TUNAR: variants seen among roughly 807,000 people sequenced by gnomAD.
TUNAR encodes protein TUNAR.
intron 2 of TUNAR, among the ~76,000 whole-genome samples, chr14:95,897,534 A>G (rs1889286797): frequency 6.6e-6 from 1 of 152,184 alleles, no homozygotes; most frequent in Non-Finnish European, 1.5e-5. Flanking sequence ...CTTGCATCCC[A>G]TCCTGAATGC....
chr14:95,909,613 A>G (rs188368859), intron 2 of TUNAR, among the ~76,000 whole-genome samples: 213 of 152,306 alleles, frequency 1.4e-3, no homozygotes, highest in African/African-American at 4.9e-3. Flanking sequence ...AAATCCAGCT[A>G]GGTGGGCTGG....
chr14:95,884,718 C>T (rs539762634), intron 2 of TUNAR, among the ~76,000 whole-genome samples: 39 of 152,348 alleles, frequency 2.6e-4, no homozygotes, highest in Non-Finnish European at 4.7e-4. Context: ...TCCCAGGGCC[C>T]TGTCATCCCT....
chr14:95,891,637 A>G lies in TUNAR; in HGVS notation c.12+14460A>G, dbSNP rs114186552. Among the ~76,000 whole-genome samples, 1,248 of 152,344 alleles carry G rather than the reference A, an allele frequency of 8.2e-3. 14 individuals carry two copies. Among genetic ancestry groups the G allele is most frequent in the African/African-American group, 0.029 (1,188 of 41,580 alleles). On this transcript the variant is annotated intron_variant, in intron 2 of 2. Transcript: ENST00000678517. ...CTCCCTATTACTATACACTCGCTACACATGCAGTTGGGAAGCTGTTCCTGA... is the reference window on the plus strand; with the variant it reads ...CTCCCTATTACTATACACTCGCTACGCATGCAGTTGGGAAGCTGTTCCTGA...
intron 2 of TUNAR, among the ~76,000 whole-genome samples, chr14:95,887,064 C>T (rs1404014620): frequency 2.6e-5 from 4 of 152,112 alleles, no homozygotes; most frequent in Non-Finnish European, 5.9e-5. Flanking sequence ...AGGATCTGGG[C>T]ATGGAAATCG....
chr14:95,906,622 CA>C (rs1322827982), intron 2 of TUNAR, among the ~76,000 whole-genome samples: 1 of 152,176 alleles, frequency 6.6e-6, no homozygotes, highest in Non-Finnish European at 1.5e-5. Context: ...TACTGTTTTC[CA>C]AAATTACTTA....
chr14:95,886,147 A>T (rs1420119547), intron 2 of TUNAR, among the ~76,000 whole-genome samples: 1 of 152,184 alleles, frequency 6.6e-6, no homozygotes, highest in Non-Finnish European at 1.5e-5. Context: ...CTCCTGGCCT[A>T]AAAACAATGC....
At chr14:95,918,803 G>C (rs1029807673) in intron 2 of TUNAR, among the ~76,000 whole-genome samples, 1 of 152,084 alleles carries the variant, frequency 6.6e-6, no homozygotes, top group Non-Finnish European at 1.5e-5. Context: ...TGTGATGATG[G>C]GTCTTTGGTT....
chr14:95,922,207 A>G (rs943249888), intron 2 of TUNAR, among the ~76,000 whole-genome samples: 7 of 152,234 alleles, frequency 4.6e-5, no homozygotes, highest in Admixed American at 3.3e-4. Context: ...AGGGATTATG[A>G]GAATTTCTCA....
chr14:95,897,088 T>G (rs557016614), intron 2 of TUNAR, among the ~76,000 whole-genome samples: 1 of 152,382 alleles, frequency 6.6e-6, no homozygotes, highest in South Asian at 2.1e-4. Flanking sequence ...TAGGCAAGTA[T>G]ATCATAAAAG....
At chr14:95,878,346 C>T (rs1186841979) in intron 2 of TUNAR, among the ~76,000 whole-genome samples, 2 of 152,164 alleles carry the variant, frequency 1.3e-5, no homozygotes, top group Non-Finnish European at 2.9e-5. Context: ...CATTTAGTTC[C>T]TGAAGGGGCA....
intron 2 of TUNAR, among the ~76,000 whole-genome samples, chr14:95,913,560 A>G (rs1176786504): frequency 1.3e-5 from 2 of 152,196 alleles, no homozygotes; most frequent in Non-Finnish European, 2.9e-5. Context: ...GGCAAGGGAC[A>G]AACTCCATTT....
At chr14:95,884,742 CCACAAGTATT>C (rs1268754861) in intron 2 of TUNAR, among the ~76,000 whole-genome samples, 1 of 152,202 alleles carries the variant, frequency 6.6e-6, no homozygotes, top group East Asian at 1.9e-4. Flanking sequence ...TGTCTTCTTT[CCACAAGTATT>C]CACAAGACAC....
chr14:95,900,255 A>T (rs1474869650), intron 2 of TUNAR, among the ~76,000 whole-genome samples: 1 of 152,224 alleles, frequency 6.6e-6, no homozygotes, highest in East Asian at 1.9e-4. Context: ...ACAAACATGT[A>T]AACAGGTGCA....
At chr14:95,880,596 C>T (rs564648191) in intron 2 of TUNAR, among the ~76,000 whole-genome samples, 3 of 152,236 alleles carry the variant, frequency 2.0e-5, no homozygotes, top group South Asian at 2.1e-4. Flanking sequence ...TTGGAGATTC[C>T]GCCTCAATCT....
intron 2 of TUNAR, among the ~76,000 whole-genome samples, chr14:95,896,564 C>T (rs1889272726): frequency 6.6e-6 from 1 of 152,178 alleles, no homozygotes. Flanking sequence ...ACTCTAGAGG[C>T]CATTCCAAGC....
chr14:95,917,383 G>A (rs1595126364), intron 2 of TUNAR, among the ~76,000 whole-genome samples: 1 of 152,128 alleles, frequency 6.6e-6, no homozygotes, highest in African/African-American at 2.4e-5. Flanking sequence ...TCTAAGGCTT[G>A]TATAAGCCTT....
intron 2 of TUNAR, among the ~76,000 whole-genome samples, chr14:95,905,296 C>T (rs1211043030): frequency 1.3e-5 from 2 of 152,182 alleles, no homozygotes; most frequent in Non-Finnish European, 2.9e-5. Flanking sequence ...CACAAATGTC[C>T]TTCCATCCAG....
At chr14:95,891,508 A>AGACACCCTCAG (rs1489402493) in intron 2 of TUNAR, among the ~76,000 whole-genome samples, 1 of 152,242 alleles carries the variant, frequency 6.6e-6, no homozygotes, top group East Asian at 1.9e-4. Flanking sequence ...CCAAAATGGC[A>AGACACCCTCAG]GATGAGGAAA....
At chr14:95,918,650 G>A (rs1261483669) in intron 2 of TUNAR, among the ~76,000 whole-genome samples, 10 of 152,258 alleles carry the variant, frequency 6.6e-5, no homozygotes, top group Admixed American at 2.6e-4. Flanking sequence ...CAGAGTCCTC[G>A]GAAAGTAAAC....
Sources: allele counts gnomAD v4.1 joint callset (sites outside exome capture counted in the v4.1 genomes callset), GRCh38; gene constraint gnomAD v4.1.1; transcripts MANE v1.5; gene names NCBI Gene and HGNC (gene_info 2026-07-23, HGNC 2026-07-21).